The following GOLGA8M variants were observed in gnomAD, a reference collection of about 807,000 sequenced individuals.
GOLGA8M encodes the protein golgin subfamily A member 8M.
Under a neutral mutation model 87.7 loss-of-function variants are expected in GOLGA8M, and 34 were observed. That is an observed-to-expected ratio of 0.39 (90% CI 0.29 to 0.52). GOLGA8M has a LOEUF of 0.52. GOLGA8M is among the 20% of genes least tolerant of loss of function. GOLGA8M has a pLI of 0.80. For missense variants in GOLGA8M, 396 were observed against 682.2 expected, an observed-to-expected ratio of 0.58 and a Z score of 4.67; for synonymous variants, 138 against 250.2, an observed-to-expected ratio of 0.55 and a Z score of 4.23.
Position 28,702,749 on chromosome 15 carries a change from G to A in GOLGA8M, c.1369-4C>T, listed in dbSNP as rs1446644654. The A allele has an allele frequency of 6.3e-7, 1 of 1,599,458 alleles. No individual in the cohort carries two copies. Among genetic ancestry groups the A allele is most frequent in the Non-Finnish European group, 8.5e-7 (1 of 1,179,680 alleles). The stretch of plus-strand genomic sequence containing the variant: ...CCAGGTGGTCCATAAAGCTGCTCTG[G>A]AGCCAAAATATTGCAGTCACATCTC... On this transcript the variant is annotated splice_polypyrimidine_tract_variant and splice_region_variant and intron_variant, in intron 15 of 18. Coordinates refer to ENST00000563027, the MANE Select transcript of GOLGA8M (RefSeq NM_001282468.3).
At chr15:28,709,441 C>G (rs962430940) in intron 3 of GOLGA8M, 88 bp downstream of exon 3, 1 of 1,535,298 alleles carries the variant, frequency 6.5e-7, no homozygotes, top group South Asian at 1.2e-5. Context: ...GCTGTCTCAG[C>G]TGGCAGAGGG....
chr15:28,708,290 A>G lies in GOLGA8M; in HGVS notation c.348+85T>C, dbSNP rs766783336. On this transcript the variant is annotated intron_variant, in intron 5 of 18. Transcript: ENST00000563027. ...ACAGGCCCACCCATGGGACCAGGTT[A>G]TCGGGGCCCTGTGGGGATGGGGTGG... 2.7e-5 allele frequency: 43 copies of G among 1,611,804 alleles called. 1 individual carries two copies. In the South Asian group the frequency reaches 4.7e-4, roughly 18 times the overall value.
At chr15:28,703,638 T>C (rs370502710) in intron 14 of GOLGA8M, 37,293 of 595,232 alleles carry the variant, frequency 0.063, 3,790 homozygotes, top group East Asian at 0.49. Flanking sequence ...TTTCTGACCT[T>C]GGCCAGTTCA....
rs372921033 is a variant in GOLGA8M, at chr15:28,706,796, C to T, written c.592-97G>A. The T allele has an allele frequency of 1.2e-3, 1,481 of 1,235,112 alleles. 67 individuals are homozygous for T. In the South Asian group the frequency reaches 0.017, roughly 14 times the overall value. The allele number at this position is 1,235,112 out of a possible 1,614,324, so 76.5% of individuals were successfully genotyped here. A position where few individuals can be genotyped will look rare whatever the true frequency, so the allele number is the denominator to read the frequency against. On this transcript the variant is annotated intron_variant, in intron 8 of 18. Transcript: ENST00000563027. ...CTCGGGCTAGGCCCAATATACAACTCGGTCAGTAAAGATCAAGGCATTTCC... is the reference window on the plus strand; with the variant it reads ...CTCGGGCTAGGCCCAATATACAACTTGGTCAGTAAAGATCAAGGCATTTCC...
Position 28,702,654 on chromosome 15 carries a change from C to T in GOLGA8M, c.1460G>A (p.Arg487Lys), listed in dbSNP as rs772945214. Residue 487 changes from arginine (R) to lysine (K), a missense_variant, in exon 16 of 19, where the codon AGA (arginine) becomes AAA (lysine). Coordinates refer to ENST00000563027, the MANE Select transcript of GOLGA8M (RefSeq NM_001282468.3). ...ELRFIQYWQE[R>K]CHQKIHHLLS... ...CTGGCCTCCCACTCACTGATGGCAT[C>T]TCTCTTGCCAGTATTGAATGAAGCG... 1.9e-6 allele frequency: 3 copies of T among 1,609,340 alleles called. No individual in the cohort carries two copies. The highest frequency in any genetic ancestry group is 1.7e-4 in the Middle Eastern group (1 of 5,976).
At chr15:28,702,433 C>T (rs775784618) in intron 17 of GOLGA8M, 32 bp downstream of exon 17, 35 of 777,818 alleles carry the variant, frequency 4.5e-5, no homozygotes, top group Non-Finnish European at 5.8e-5. Context: ...CCACCCCCAC[C>T]CCCACCCCCA....
rs1358570802 is a variant in GOLGA8M at position 28,705,664 on chromosome 15, C to G, written c.950G>C (p.Arg317Thr). The G allele has an allele frequency of 2.0e-5, 31 of 1,588,874 alleles. No homozygotes were observed. In the South Asian group the frequency reaches 2.5e-4, roughly 13 times the overall value. ...CTGGGCCTGGAGCTCTCCTGCCACT[C>G]TCTCTAGTTCCTTCCTCAGGTGCTG... Reference protein sequence around the residue: ...ELQHLRKELERVAGELQAQVK... With the variant: ...ELQHLRKELETVAGELQAQVK... The change falls in exon 12 of 19, where the codon AGA becomes ACA. Residue 317 changes from arginine (R) to threonine (T), a missense_variant. Transcript: ENST00000563027.
chr15:28,702,219 T>A lies in GOLGA8M; in HGVS notation c.1718A>T (p.His573Leu). ...CACCTGAGGGCTGTACTCACCACCA[T>A]GCTTGTCTGCAGCCCCAAGCTCCTG... ...APQELGAADK[H>L]GDLCEVSLTS... The change falls in exon 18 of 19, where the codon CAT becomes CTT. Residue 573 changes from histidine (H) to leucine (L), a missense_variant. Physicochemically the swap from His to Leu is moderately conservative, Grantham distance 99. Around this residue, in one of 12 missense-constraint regions of GOLGA8M, gnomAD observed 173 missense variants for 150.2 expected, o/e 1.15. Coordinates refer to ENST00000563027, the MANE Select transcript of GOLGA8M (RefSeq NM_001282468.3). 1 of 1,591,034 alleles carries A rather than the reference T, an allele frequency of 6.3e-7. No individual in the cohort carries two copies. Among genetic ancestry groups the A allele is most frequent in the Non-Finnish European group, 8.5e-7 (1 of 1,175,316 alleles).
In GOLGA8M at chr15:28,702,680, A is replaced by C. The variant is rs780549348; in HGVS notation, c.1434T>G (p.Leu478=). ...DLSELVKKQE[L]RFIQYWQERC... Reference sequence around the variant, plus strand: ...TCTCTTGCCAGTATTGAATGAAGCGAAGTTCTTGTTTCTTCACAAGCTCAC... The same window carrying C: ...TCTCTTGCCAGTATTGAATGAAGCGCAGTTCTTGTTTCTTCACAAGCTCAC... Residue 478 remains leucine (L), a synonymous_variant, in exon 16 of 19, where the codon CTT becomes CTG. Transcript: ENST00000563027. The C allele has an allele frequency of 7.0e-5, 112 of 1,606,230 alleles. No homozygotes were observed. Among genetic ancestry groups the C allele is most frequent in the Non-Finnish European group, 9.3e-5 (110 of 1,179,512 alleles).
rs1413493011 is a variant in GOLGA8M, at chr15:28,705,136, G to A, written c.1200+23C>T. On this transcript the variant is annotated intron_variant, in intron 13 of 18. Transcript: ENST00000563027. Reference sequence around the variant, plus strand: ...CGCCTCCCAGCCCTTCTTGGATGGGGTGGAGGTTTCCGACTCCTTCACCTC... The same window carrying A: ...CGCCTCCCAGCCCTTCTTGGATGGGATGGAGGTTTCCGACTCCTTCACCTC... 4 of 1,598,114 alleles carry A rather than the reference G, an allele frequency of 2.5e-6. No homozygotes were observed. In the South Asian group the frequency reaches 3.3e-5, roughly 13 times the overall value.
chr15:28,713,112 G>T (rs2080236164), upstream of GOLGA8M, among the ~76,000 whole-genome samples: 1 of 151,762 alleles, frequency 6.6e-6, no homozygotes, highest in African/African-American at 2.4e-5. Context: ...GCCCAAGGTG[G>T]GTGGATCATG....
At position 28,702,760 on chromosome 15, in the gene GOLGA8M, T is replaced by G; in HGVS notation, c.1369-15A>C. The G allele has an allele frequency of 6.3e-7, 1 of 1,598,658 alleles. No individual in the cohort carries two copies. Among genetic ancestry groups the G allele is most frequent in the Non-Finnish European group, 8.5e-7 (1 of 1,179,508 alleles). ...ATAAAGCTGCTCTGGAGCCAAAATA[T>G]TGCAGTCACATCTCGGCAGCGACCT... On this transcript the variant is annotated splice_polypyrimidine_tract_variant and intron_variant, in intron 15 of 18. Transcript: ENST00000563027.
At chr15:28,704,864 G>A (rs900150266) in intron 13 of GOLGA8M, 4 of 590,362 alleles carry the variant, frequency 6.8e-6, no homozygotes, top group Non-Finnish European at 1.2e-5. Context: ...TGGGATTATA[G>A]GCATGAGCCA....
Position 28,702,872 on chromosome 15 carries a change from A to G in GOLGA8M, c.1369-127T>C, listed in dbSNP as rs527442148. The G allele has an allele frequency of 9.6e-3, 14,863 of 1,541,460 alleles. 248 individuals are homozygous for G. Among genetic ancestry groups the G allele is most frequent in the African/African-American group, 0.016 (1,069 of 68,668 alleles). The stretch of plus-strand genomic sequence containing the variant: ...TTCTCCGTGACTTCCTGCAGGGCCC[A>G]GTGGGTCTCCCCACTCACAGACTCG... On this transcript the variant is annotated intron_variant, in intron 15 of 18. Transcript: ENST00000563027.
In GOLGA8M at chr15:28,702,070, G is replaced by A. The variant is rs766068695; in HGVS notation, c.1783C>T (p.Leu595Phe). 5.3e-5 allele frequency: 84 copies of A among 1,592,200 alleles called. No homozygotes were observed. The East Asian group carries it at 1.9e-3, about 35-fold the overall frequency. ...AQGEAREDPL[L>F]DKPTAQPIVQ... is the part of the protein sequence containing the mutation. The stretch of plus-strand genomic sequence containing the variant: ...ATCGGCTGTGCAGTAGGCTTGTCAA[G>A]GAGAGGATCCTCCCTGGCCTCTCCT... Residue 595 changes from leucine (L) to phenylalanine (F), a missense_variant, in exon 19 of 19, where the codon CTT (leucine) becomes TTT (phenylalanine). Physicochemically the swap from Leu to Phe is conservative, Grantham distance 22. Transcript: ENST00000563027.
At position 28,701,700 on chromosome 15, in the gene GOLGA8M, T is replaced by C. The variant is rs1301449222; in HGVS notation, c.*254A>G. Among the ~76,000 whole-genome samples the C allele has an allele frequency of 6.1e-3, 926 of 152,062 alleles. 9 individuals are homozygous for C. Among genetic ancestry groups the C allele is most frequent in the African/African-American group, 0.019 (799 of 41,390 alleles). On this transcript the variant is annotated 3_prime_UTR_variant, in exon 19 of 19. Coordinates refer to ENST00000563027, the MANE Select transcript of GOLGA8M (RefSeq NM_001282468.3). ...CACGTAAGGGCAAACTCGATATGCA[T>C]GCTAATGACCTACAATTATGAAATT...
Position 28,701,003 on chromosome 15 carries a change from T to G in GOLGA8M, c.*951A>C, listed in dbSNP as rs1166379606. On this transcript the variant is annotated 3_prime_UTR_variant, in exon 19 of 19. Transcript: ENST00000563027. ...CAGTGTCCTTTTGTGTACTGGGACATGTAGTCATGCGATTAAAACAGGTAA... is the reference window on the plus strand; with the variant it reads ...CAGTGTCCTTTTGTGTACTGGGACAGGTAGTCATGCGATTAAAACAGGTAA... 1.3e-5 allele frequency among the ~76,000 whole-genome samples: 2 copies of G among 152,188 alleles called. No individual in the cohort carries two copies. Among genetic ancestry groups the G allele is most frequent in the Non-Finnish European group, 2.9e-5 (2 of 68,030 alleles).
upstream of GOLGA8M, among the ~76,000 whole-genome samples, chr15:28,713,061 C>T (rs1233002635): frequency 5.9e-5 from 9 of 151,352 alleles, no homozygotes; most frequent in Non-Finnish European, 1.2e-4. Flanking sequence ...GCTTTTGGGC[C>T]GGGTGCAGTG....
chr15:28,703,897 G>T lies in GOLGA8M; in HGVS notation c.1221C>A (p.Ser407Arg). The T allele has an allele frequency of 5.7e-6, 9 of 1,579,658 alleles. No homozygotes were observed. The highest frequency in any genetic ancestry group is 1.4e-5 in the African/African-American group (1 of 72,318). ...KLGEEHLEAA[S>R]QQNQQLTAQL... ...GGGCCGTTAGCTGCTGGTTCTGCTG[G>T]CTGGCAGCTTCCAGGTGCTCCTAAG... Residue 407 changes from serine to arginine, a missense_variant, in exon 14 of 19, where the codon AGC (serine) becomes AGA (arginine). Ser to Arg is a moderately radical substitution (Grantham distance 110, BLOSUM62 -1). Transcript: ENST00000563027.
Sources: gnomAD v4.1 joint callset for allele counts (sites outside exome capture counted in the v4.1 genomes callset) on GRCh38, gnomAD v4.1.1 for gene constraint, gnomAD v4.1.1 regional missense constraint, MANE v1.5 for transcripts, NCBI Gene and HGNC (gene_info 2026-07-23, HGNC 2026-07-21) for gene names.